The following FIRRM variants were observed in gnomAD, a reference collection of about 807,000 sequenced individuals.
FIRRM encodes the protein FIGNL1 interacting regulator of recombination and mitosis.
chr1:169,812,180 G>A, the FIRRM span, among the ~76,000 whole-genome samples: 7 of 152,292 alleles, frequency 4.6e-5, no homozygotes, highest in East Asian at 9.6e-4. Context: ...TAGAGGCTTC[G>A]AACAAATCTT....
chr1:169,819,914 A>T, the FIRRM span, among the ~76,000 whole-genome samples: 2 of 152,226 alleles, frequency 1.3e-5, no homozygotes, highest in Non-Finnish European at 2.9e-5. Flanking sequence ...AAAATGGCAA[A>T]GCCTTAGCTG....
At chr1:169,849,672 A>C in the FIRRM span, 1 of 1,227,860 alleles carries the variant, frequency 8.1e-7, no homozygotes, top group Non-Finnish European at 1.2e-6. Flanking sequence ...TTCCAGAACA[A>C]TCCCAAAACA....
the FIRRM span, among the ~76,000 whole-genome samples, chr1:169,813,011 G>A: frequency 6.6e-6 from 1 of 152,150 alleles, no homozygotes; most frequent in African/African-American, 2.4e-5. Flanking sequence ...TTGGTTTAAT[G>A]AAGATTTTGC....
chr1:169,850,276 T>C, the FIRRM span: 8 of 1,609,686 alleles, frequency 5.0e-6, no homozygotes, highest in Non-Finnish European at 6.8e-6. Context: ...GAACAAATCA[T>C]GAAGAGATAG....
At chr1:169,791,860 T>A in the FIRRM span, among the ~76,000 whole-genome samples, 1 of 152,220 alleles carries the variant, frequency 6.6e-6, no homozygotes, top group South Asian at 2.1e-4. Context: ...TGAAAATTTT[T>A]GCATTTGAAT....
At chr1:169,829,590 G>T in the FIRRM span, 1 of 742,760 alleles carries the variant, frequency 1.3e-6, no homozygotes, top group Non-Finnish European at 2.0e-6. Context: ...CCTAGAAAAT[G>T]GTAATCCCAG....
At chr1:169,800,233 A>C in the FIRRM span, among the ~76,000 whole-genome samples, 1 of 151,934 alleles carries the variant, frequency 6.6e-6, no homozygotes, top group Non-Finnish European at 1.5e-5. Context: ...TTTGGTAGAC[A>C]TGAGGTCTTG....
chr1:169,787,131 G>C, the FIRRM span, among the ~76,000 whole-genome samples: 1 of 152,150 alleles, frequency 6.6e-6, no homozygotes, highest in African/African-American at 2.4e-5. Context: ...GATTTCAGCA[G>C]CCATCTGACT....
At chr1:169,847,137 A>C in the FIRRM span, among the ~76,000 whole-genome samples, 1 of 152,068 alleles carries the variant, frequency 6.6e-6, no homozygotes, top group African/African-American at 2.4e-5. Context: ...TGGTGCTCCA[A>C]AACAATGACA....
the FIRRM span, chr1:169,851,416 C>T: frequency 4.3e-4 from 69 of 160,598 alleles, no homozygotes; most frequent in Admixed American, 1.6e-3. Flanking sequence ...GATCATAGCT[C>T]GCTATAACCT....
At chr1:169,795,687 A>G in the FIRRM span, 4 of 987,144 alleles carry the variant, frequency 4.1e-6, no homozygotes, top group South Asian at 1.9e-4. Flanking sequence ...TTAGCGTTAT[A>G]AGAATTAAAG....
At chr1:169,829,410 A>G in the FIRRM span, 3 of 1,613,448 alleles carry the variant, frequency 1.9e-6, no homozygotes, top group Admixed American at 3.3e-5. Flanking sequence ...ATCTGTGTAC[A>G]TTTATTACTT....
chr1:169,800,920 T>C, the FIRRM span: 1 of 1,598,024 alleles, frequency 6.3e-7, no homozygotes, highest in African/African-American at 1.3e-5. Flanking sequence ...TTTTACCTCA[T>C]ATGAACCACC....
the FIRRM span, chr1:169,830,359 T>A: frequency 6.2e-7 from 1 of 1,607,426 alleles, no homozygotes; most frequent in Non-Finnish European, 8.5e-7. Context: ...ATATTTGCTT[T>A]TTTGTTCTTT....
the FIRRM span, chr1:169,798,958 C>T: frequency 2.9e-5 from 37 of 1,265,378 alleles, no homozygotes; most frequent in Non-Finnish European, 3.6e-5. Context: ...TGAGCATATT[C>T]GTAAGTAAAA....
chr1:169,831,615 T>G, the FIRRM span, among the ~76,000 whole-genome samples: 1 of 152,214 alleles, frequency 6.6e-6, no homozygotes, highest in East Asian at 1.9e-4. Context: ...GAAGTTTCCT[T>G]TAAATAAAAG....
At chr1:169,821,776 C>A in the FIRRM span, 3 of 1,506,172 alleles carry the variant, frequency 2.0e-6, no homozygotes, top group Non-Finnish European at 2.7e-6. Context: ...CTTTATTATA[C>A]GTTACTTTAT....
chr1:169,819,226 A>G, the FIRRM span, among the ~76,000 whole-genome samples: 1 of 152,214 alleles, frequency 6.6e-6, no homozygotes, highest in Non-Finnish European at 1.5e-5. Flanking sequence ...CCCAAAGCCA[A>G]TCAGTCTATT....
the FIRRM span, among the ~76,000 whole-genome samples, chr1:169,813,430 A>G: frequency 6.6e-6 from 1 of 152,228 alleles, no homozygotes; most frequent in African/African-American, 2.4e-5. Context: ...ATACGTAATC[A>G]GAAAACTCAC....
Sources: allele counts gnomAD v4.1 joint callset (sites outside exome capture counted in the v4.1 genomes callset), GRCh38; gene constraint gnomAD v4.1.1; transcripts MANE v1.5; gene names NCBI Gene and HGNC (gene_info 2026-07-23, HGNC 2026-07-21).